PPM1E: variants seen among roughly 807,000 people sequenced by gnomAD.
The protein encoded by PPM1E is protein phosphatase, Mg2+/Mn2+ dependent 1E.
Under a neutral mutation model 65.9 loss-of-function variants are expected in PPM1E, and 20 were observed. The observed-to-expected ratio is 0.30, with a 90% confidence interval of 0.21 to 0.44. The LOEUF is 0.44. Among genes scored for constraint, PPM1E ranks in the 20% least tolerant of loss-of-function variants. The probability of loss-of-function intolerance (pLI) is 1.00; values close to 1 mark genes in which losing one functional copy is unlikely to be tolerated. For missense variants in PPM1E, 713 were observed against 953.1 expected, an observed-to-expected ratio of 0.75 and a Z score of 3.32; for synonymous variants, 352 against 374.9, an observed-to-expected ratio of 0.94 and a Z score of 0.70.
chr17:58,816,767 TATATATATATATATATATA>T (rs2050422865), intron 1 of PPM1E, among the ~76,000 whole-genome samples: 3 of 14,852 alleles, frequency 2.0e-4, no homozygotes, highest in African/African-American at 7.3e-4. Context: ...TATATATATA[TATATATATATATATATATA>T]TATATATATT....
Position 58,812,487 on chromosome 17 carries a change from A to G in PPM1E, c.464+56026A>G, listed in dbSNP as rs143524384. Among the ~76,000 whole-genome samples the G allele has an allele frequency of 7.2e-5, 11 of 152,186 alleles. No individual in the cohort carries two copies. The East Asian group carries it at 2.1e-3, about 29-fold the overall frequency. On this transcript the variant is annotated intron_variant, in intron 1 of 6. Coordinates refer to ENST00000308249, the MANE Select transcript of PPM1E (RefSeq NM_014906.5). ...TGTCATCTGATCACCTGAGGTGCCT[A>G]GAAGTATTTACTTTCTTACATTGTT...
intron 1 of PPM1E, among the ~76,000 whole-genome samples, chr17:58,840,572 G>C (rs1269294202): frequency 6.6e-6 from 1 of 152,016 alleles, no homozygotes; most frequent in Non-Finnish European, 1.5e-5. Context: ...CCAGGGATAG[G>C]GTAGAAAATG....
intron 1 of PPM1E, among the ~76,000 whole-genome samples, chr17:58,778,651 C>T (rs117096776): frequency 0.011 from 1,715 of 151,690 alleles, 15 homozygotes; most frequent in Middle Eastern, 0.041. Context: ...CTCAAGCAAT[C>T]TGCCCGCCTC....
chr17:58,857,489 G>A (rs2050895424), intron 1 of PPM1E, among the ~76,000 whole-genome samples: 1 of 151,974 alleles, frequency 6.6e-6, no homozygotes, highest in South Asian at 2.1e-4. Flanking sequence ...CTGTGCTTCA[G>A]TTTCTCTATC....
At chr17:58,860,762 G>A (rs1037292411) in intron 1 of PPM1E, among the ~76,000 whole-genome samples, 1 of 152,128 alleles carries the variant, frequency 6.6e-6, no homozygotes, top group Non-Finnish European at 1.5e-5. Flanking sequence ...TGACCAACAT[G>A]GTGGAACCCT....
intron 1 of PPM1E, among the ~76,000 whole-genome samples, chr17:58,912,103 T>C (rs1250105680): frequency 6.6e-6 from 1 of 152,104 alleles, no homozygotes; most frequent in Non-Finnish European, 1.5e-5. Flanking sequence ...CTTAAACTTT[T>C]CCAATTAGGG....
At chr17:58,778,923 CATACATATATAT>C (rs1458421579) in intron 1 of PPM1E, among the ~76,000 whole-genome samples, 3 of 61,778 alleles carry the variant, frequency 4.9e-5, no homozygotes, top group African/African-American at 2.0e-4. Context: ...TGAGATGATA[CATACATATATAT>C]ATATATATAT....
intron 1 of PPM1E, among the ~76,000 whole-genome samples, chr17:58,853,488 A>G (rs939857886): frequency 9.9e-5 from 15 of 152,180 alleles, no homozygotes; most frequent in Non-Finnish European, 1.9e-4. Context: ...TCTTTATGTC[A>G]GTACTATTCT....
At chr17:58,949,671 C>G (rs1278136159) in intron 1 of PPM1E, among the ~76,000 whole-genome samples, 1 of 151,946 alleles carries the variant, frequency 6.6e-6, no homozygotes, top group African/African-American at 2.4e-5. Context: ...ATTCCTTTCT[C>G]TTTCTTCTTT....
chr17:58,799,170 T>C (rs2143043426), intron 1 of PPM1E, among the ~76,000 whole-genome samples: 1 of 152,372 alleles, frequency 6.6e-6, no homozygotes. Flanking sequence ...GTTCATTTGT[T>C]GAAAATCAGT....
intron 1 of PPM1E, among the ~76,000 whole-genome samples, chr17:58,793,256 A>AC (rs1471617643): frequency 2.6e-5 from 4 of 152,054 alleles, no homozygotes; most frequent in Non-Finnish European, 5.9e-5. Flanking sequence ...TACTACATGT[A>AC]TATGTAATAT....
chr17:58,816,767 TATATATATATATATATATATATA>T (rs1567842113), intron 1 of PPM1E, among the ~76,000 whole-genome samples: 14 of 14,852 alleles, frequency 9.4e-4, no homozygotes, highest in African/African-American at 3.2e-3. Context: ...TATATATATA[TATATATATATATATATATATATA>T]TATATTTTTT....
At chr17:58,820,746 T>C (rs906154623) in intron 1 of PPM1E, among the ~76,000 whole-genome samples, 2 of 152,206 alleles carry the variant, frequency 1.3e-5, no homozygotes, top group Non-Finnish European at 2.9e-5. Flanking sequence ...TGTGCTGTTA[T>C]CTTATTTAGA....
chr17:58,937,129 A>C (rs550672301), intron 1 of PPM1E, among the ~76,000 whole-genome samples: 1 of 145,762 alleles, frequency 6.9e-6, no homozygotes, highest in South Asian at 2.2e-4. Flanking sequence ...ATAAAAATAC[A>C]AAAAAAAAAA....
At position 58,755,953 on chromosome 17, in the gene PPM1E, C is replaced by CT; in HGVS notation, c.-43dup. 6.2e-7 allele frequency: 1 copy of CT among 1,612,118 alleles called. No individual in the cohort carries two copies. Among genetic ancestry groups the CT allele is most frequent in the Non-Finnish European group, 8.5e-7 (1 of 1,178,984 alleles). On this transcript the variant is annotated 5_prime_UTR_variant, in exon 1 of 7. Coordinates refer to ENST00000308249, the MANE Select transcript of PPM1E (RefSeq NM_014906.5). ...AAAGCAGCCCCTTACCCTTCCTGGG[C>CT]TTCCCCCAACCCCTTTCCCGGTCTG...
At chr17:58,927,453 G>A (rs1598654885) in intron 1 of PPM1E, among the ~76,000 whole-genome samples, 1 of 151,874 alleles carries the variant, frequency 6.6e-6, no homozygotes, top group African/African-American at 2.4e-5. Flanking sequence ...TTTAACTAGC[G>A]ATATAATATT....
intron 1 of PPM1E, among the ~76,000 whole-genome samples, chr17:58,794,928 AC>A (rs1216781748): frequency 1.4e-5 from 2 of 138,446 alleles, no homozygotes; most frequent in African/African-American, 5.6e-5. Flanking sequence ...TTGCTCTGTC[AC>A]CCAGACTAGA....
intron 1 of PPM1E, among the ~76,000 whole-genome samples, chr17:58,831,072 A>G (rs564129181): frequency 6.7e-6 from 1 of 148,272 alleles, no homozygotes; most frequent in African/African-American, 2.5e-5. Flanking sequence ...GTGCAGTAGC[A>G]CAATCTCAGC....
At chr17:58,946,130 C>A (rs2052147140) in intron 1 of PPM1E, among the ~76,000 whole-genome samples, 1 of 151,814 alleles carries the variant, frequency 6.6e-6, no homozygotes, top group African/African-American at 2.4e-5. Context: ...TTCATAAGAC[C>A]AAAAGGCACT....
Sources: allele counts gnomAD v4.1 joint callset (sites outside exome capture counted in the v4.1 genomes callset), GRCh38; gene constraint gnomAD v4.1.1; transcripts MANE v1.5; gene names NCBI Gene and HGNC (gene_info 2026-07-23, HGNC 2026-07-21).